ANKRD17: variants seen among roughly 807,000 people sequenced by gnomAD.
ANKRD17 encodes the protein ankyrin repeat domain-containing protein 17.
A neutral mutation model predicts 229.7 loss-of-function variants in ANKRD17; 19 were observed. That is an observed-to-expected ratio of 0.08 (90% CI 0.06 to 0.12). The LOEUF is 0.12. Among genes scored for constraint, ANKRD17 ranks in the 10% least tolerant of loss-of-function variants. The pLI is 1.00. For synonymous variants in ANKRD17, 1,112 were observed against 1,146.1 expected (o/e 0.97, Z 0.60); for missense variants, 2,176 against 3,176.8 (o/e 0.68, Z 7.57).
At chr4:73,174,049 G>T (rs923943878) in intron 2 of ANKRD17, among the ~76,000 whole-genome samples, 2 of 148,308 alleles carry the variant, frequency 1.3e-5, no homozygotes, top group African/African-American at 2.5e-5. Context: ...AGGAGAGGAG[G>T]GGAGGGGAGG....
chr4:73,112,998 G>C (rs971876049), intron 24 of ANKRD17: 1 of 758,542 alleles, frequency 1.3e-6, no homozygotes, highest in South Asian at 3.3e-5. Context: ...ATGTTGGCCA[G>C]GCTGGTCTCA....
chr4:73,082,739 T>C (rs888798178), intron 30 of ANKRD17, among the ~76,000 whole-genome samples: 2 of 152,088 alleles, frequency 1.3e-5, no homozygotes, highest in African/African-American at 4.8e-5. Context: ...TCTTTGAAAG[T>C]TAAAGAAAGA....
intron 1 of ANKRD17, among the ~76,000 whole-genome samples, chr4:73,232,179 G>C (rs1743107863): frequency 6.6e-6 from 1 of 152,142 alleles, no homozygotes. Context: ...AAGTATATAA[G>C]ATCAGCCACG....
At chr4:73,087,813 C>T (rs944170818) in intron 29 of ANKRD17, among the ~76,000 whole-genome samples, 3 of 151,648 alleles carry the variant, frequency 2.0e-5, no homozygotes, top group Non-Finnish European at 4.4e-5. Context: ...AAGTTATCTT[C>T]TCATGATTTG....
chr4:73,257,258 G>A (rs1745531584), intron 1 of ANKRD17, among the ~76,000 whole-genome samples: 1 of 152,188 alleles, frequency 6.6e-6, no homozygotes. Context: ...AACTAGTAAA[G>A]CTAACTCTCA....
At chr4:73,099,898 G>C (rs1350299664) in intron 25 of ANKRD17, among the ~76,000 whole-genome samples, 3 of 152,042 alleles carry the variant, frequency 2.0e-5, no homozygotes, top group Non-Finnish European at 4.4e-5. Flanking sequence ...TTGTCCAGGT[G>C]AGGCCCACAA....
rs1560485965 is a variant in ANKRD17 at position 73,077,469 on chromosome 4, T to C, written c.7473A>G (p.Pro2491=). The C allele has an allele frequency of 6.2e-7, 1 of 1,613,822 alleles. No homozygotes were observed. Among genetic ancestry groups the C allele is most frequent in the Non-Finnish European group, 8.5e-7 (1 of 1,179,832 alleles). ...NPMIHRPMSD[P]GVFSQHQAME... ...TTGCTTGATGTTGTGAAAATACTCC[T>C]GGGTCAGACATCGGTCTGTGGATCA... Residue 2491 remains proline (P), a synonymous_variant, in exon 32 of 34, where the codon CCA becomes CCG. Transcript: ENST00000358602.
At chr4:73,167,994 T>C (rs1480449504) in intron 2 of ANKRD17, among the ~76,000 whole-genome samples, 8 of 151,816 alleles carry the variant, frequency 5.3e-5, no homozygotes. Context: ...GTACTAAAAA[T>C]ACAAAAAATT....
chr4:73,180,368 A>G (rs1293013982), intron 1 of ANKRD17, among the ~76,000 whole-genome samples: 1 of 152,190 alleles, frequency 6.6e-6, no homozygotes, highest in Non-Finnish European at 1.5e-5. Flanking sequence ...GTTAGAAGTT[A>G]GATCACAGAA....
intron 18 of ANKRD17, 39 bp downstream of exon 18, chr4:73,124,874 C>T: frequency 1.3e-6 from 2 of 1,597,164 alleles, no homozygotes; most frequent in Non-Finnish European, 1.7e-6. Flanking sequence ...ATTTGCTAAA[C>T]AGAGAAAGGA....
In ANKRD17 at chr4:73,085,452, A is replaced by G; in HGVS notation, c.6962-6T>C. Reference sequence around the variant, plus strand: ...CGAGTCCATATTGACAATACCTATAATGTAGAAGGTCATCATAATTTATAA... The same window carrying G: ...CGAGTCCATATTGACAATACCTATAGTGTAGAAGGTCATCATAATTTATAA... On this transcript the variant is annotated splice_polypyrimidine_tract_variant and splice_region_variant and intron_variant, in intron 29 of 33. Coordinates refer to ENST00000358602, the MANE Select transcript of ANKRD17 (RefSeq NM_032217.5). The G allele has an allele frequency of 6.2e-7, 1 of 1,608,526 alleles. No homozygotes were observed.
intron 1 of ANKRD17, among the ~76,000 whole-genome samples, chr4:73,241,168 T>C (rs771271766): frequency 6.8e-4 from 104 of 152,078 alleles, no homozygotes; most frequent in Admixed American, 2.5e-3. Context: ...TATTGTTGTA[T>C]TGTGGAAATA....
At chr4:73,102,038 T>A (rs1024088353) in intron 25 of ANKRD17, among the ~76,000 whole-genome samples, 23 of 151,998 alleles carry the variant, frequency 1.5e-4, no homozygotes, top group African/African-American at 5.6e-4. Flanking sequence ...GCTGAAGTGA[T>A]CCTCCCACCT....
intron 2 of ANKRD17, among the ~76,000 whole-genome samples, chr4:73,164,620 G>A (rs146747705): frequency 3.4e-4 from 51 of 152,058 alleles, no homozygotes; most frequent in African/African-American, 1.2e-3. Flanking sequence ...GTGAAACCCC[G>A]TCTCTACTAA....
intron 16 of ANKRD17, among the ~76,000 whole-genome samples, chr4:73,125,519 G>A (rs2148722581): frequency 6.6e-6 from 1 of 152,126 alleles, no homozygotes; most frequent in South Asian, 2.1e-4. Context: ...CAGATCACGA[G>A]GTCAAGAGAT....
intron 1 of ANKRD17, among the ~76,000 whole-genome samples, chr4:73,212,457 T>C (rs773967206): frequency 6.6e-5 from 10 of 152,246 alleles, no homozygotes; most frequent in Non-Finnish European, 1.5e-4. Flanking sequence ...AAATGATATA[T>C]GTAGGGCTTA....
In ANKRD17 at chr4:73,092,277, T is replaced by C; in HGVS notation, c.5351A>G (p.Gln1784Arg). ...TIRGGTESTR[Q>R]ATQLINALIK... ...CAAAGCATTAATCAATTGAGTTGCT[T>C]GTCTTGTTGATTCAGTGCCACCCCT... is the stretch of plus-strand genomic sequence containing the variant. The change falls in exon 29 of 34, where the codon CAA becomes CGA. Residue 1784 changes from glutamine to arginine, a missense_variant. Coordinates refer to ENST00000358602, the MANE Select transcript of ANKRD17 (RefSeq NM_032217.5). 6.2e-7 allele frequency: 1 copy of C among 1,613,354 alleles called. No individual in the cohort carries two copies. Among genetic ancestry groups the C allele is most frequent in the Non-Finnish European group, 8.5e-7 (1 of 1,179,652 alleles).
At chr4:73,084,605 C>A (rs377263063) in intron 30 of ANKRD17, among the ~76,000 whole-genome samples, 3 of 151,960 alleles carry the variant, frequency 2.0e-5, no homozygotes, top group African/African-American at 7.3e-5. Flanking sequence ...CACACCACAA[C>A]GCCTGGCTAA....
At chr4:73,218,966 C>G (rs1356870565) in intron 1 of ANKRD17, among the ~76,000 whole-genome samples, 2 of 152,076 alleles carry the variant, frequency 1.3e-5, no homozygotes, top group Non-Finnish European at 2.9e-5. Flanking sequence ...GAGGCTGAGG[C>G]AGGAGAATCA....
Sources: allele counts gnomAD v4.1 joint callset (sites outside exome capture counted in the v4.1 genomes callset), GRCh38; gene constraint gnomAD v4.1.1; transcripts MANE v1.5; gene names NCBI Gene and HGNC (gene_info 2026-07-23, HGNC 2026-07-21).